The following ZNF804A variants were observed in gnomAD, a reference collection of about 807,000 sequenced individuals.
The protein encoded by ZNF804A is zinc finger protein 804A.
In ZNF804A, 2 loss-of-function variants were observed where a neutral mutation model predicts 16.5. That is an observed-to-expected ratio of 0.12 (90% CI 0.05 to 0.38). ZNF804A has a LOEUF of 0.38. Among genes scored for constraint, ZNF804A ranks in the 10% least tolerant of loss-of-function variants. The pLI is 0.99. For synonymous variants in ZNF804A, 534 were observed against 489.6 expected (o/e 1.09, Z -1.20); for missense variants, 1,473 against 1,390.7 (o/e 1.06, Z -0.94).
At chr2:184,839,367 C>A (rs183522812) in intron 1 of ZNF804A, among the ~76,000 whole-genome samples, 3 of 151,858 alleles carry the variant, frequency 2.0e-5, no homozygotes, top group African/African-American at 7.3e-5. Flanking sequence ...TTTGGGGATT[C>A]GTATGCAATT....
At chr2:184,742,723 G>A (rs996826671) in intron 1 of ZNF804A, among the ~76,000 whole-genome samples, 1 of 150,894 alleles carries the variant, frequency 6.6e-6, no homozygotes, top group East Asian at 1.9e-4. Flanking sequence ...ATAGAAAATA[G>A]ATAAATAAAT....
intron 1 of ZNF804A, among the ~76,000 whole-genome samples, chr2:184,840,442 C>A (rs563553293): frequency 5.3e-5 from 8 of 152,006 alleles, no homozygotes; most frequent in African/African-American, 1.7e-4. Context: ...TTATTCTCTG[C>A]AAAAATCAGT....
At chr2:184,711,442 C>T (rs746885114) in intron 1 of ZNF804A, among the ~76,000 whole-genome samples, 13 of 151,720 alleles carry the variant, frequency 8.6e-5, no homozygotes, top group Non-Finnish European at 1.8e-4. Flanking sequence ...AATATTTTCT[C>T]CCATACTGTA....
chr2:184,649,831 CAAA>C (rs57435962), intron 1 of ZNF804A, among the ~76,000 whole-genome samples: 4 of 130,606 alleles, frequency 3.1e-5, no homozygotes, highest in Non-Finnish European at 3.3e-5. Flanking sequence ...ACAAATCAAC[CAAA>C]AAAAAAAAAA....
chr2:184,842,535 A>G (rs1440274953), intron 1 of ZNF804A, among the ~76,000 whole-genome samples: 2 of 151,902 alleles, frequency 1.3e-5, no homozygotes, highest in Non-Finnish European at 2.9e-5. Context: ...AAAAAAAAGG[A>G]AATTTATGAT....
intron 1 of ZNF804A, among the ~76,000 whole-genome samples, chr2:184,630,152 T>A (rs1691582767): frequency 6.6e-6 from 1 of 152,180 alleles, no homozygotes; most frequent in South Asian, 2.1e-4. Context: ...TTCAGTGTAC[T>A]TCTGCTATAA....
At chr2:184,762,373 G>A (rs1032903466) in intron 1 of ZNF804A, among the ~76,000 whole-genome samples, 5 of 151,468 alleles carry the variant, frequency 3.3e-5, no homozygotes, top group South Asian at 2.1e-4. Flanking sequence ...TGAATATATC[G>A]CATAAGGTCA....
intron 1 of ZNF804A, among the ~76,000 whole-genome samples, chr2:184,719,873 C>A (rs938781303): frequency 2.0e-5 from 3 of 152,138 alleles, no homozygotes; most frequent in African/African-American, 7.2e-5. Flanking sequence ...TGCCTCTTAC[C>A]CAGTTGCAAA....
intron 2 of ZNF804A, among the ~76,000 whole-genome samples, chr2:184,921,035 T>G (rs1000963145): frequency 1.1e-4 from 16 of 152,188 alleles, no homozygotes; most frequent in Admixed American, 5.2e-4. Context: ...TATTTGAAAT[T>G]TTTGTATTTT....
chr2:184,762,413 G>A lies in ZNF804A; in HGVS notation c.112-103956G>A, dbSNP rs142419267. Among the ~76,000 whole-genome samples, 279 of 151,698 alleles carry A rather than the reference G, an allele frequency of 1.8e-3. 1 individual carries two copies. Among genetic ancestry groups the A allele is most frequent in the African/African-American group, 6.4e-3 (267 of 41,440 alleles). ...TGTTACAAAGAAAAATTTATCAAGT[G>A]TATACATATCTTTCAAGAAGAATTA... On this transcript the variant is annotated intron_variant, in intron 1 of 3. Coordinates refer to ENST00000302277, the MANE Select transcript of ZNF804A (RefSeq NM_194250.2).
At chr2:184,624,713 T>C (rs968728091) in intron 1 of ZNF804A, among the ~76,000 whole-genome samples, 3 of 152,194 alleles carry the variant, frequency 2.0e-5, no homozygotes, top group Non-Finnish European at 4.4e-5. Context: ...CTGATTAAAC[T>C]AAACACTTAT....
At chr2:184,824,119 T>C (rs1574229188) in intron 1 of ZNF804A, among the ~76,000 whole-genome samples, 1 of 152,118 alleles carries the variant, frequency 6.6e-6, no homozygotes, top group African/African-American at 2.4e-5. Flanking sequence ...TCTGTGGCTG[T>C]CCTCTTTAAA....
chr2:184,906,786 T>C (rs1685281550), intron 2 of ZNF804A, among the ~76,000 whole-genome samples: 1 of 152,170 alleles, frequency 6.6e-6, no homozygotes, highest in African/African-American at 2.4e-5. Flanking sequence ...CATTGTCCCA[T>C]TGGGGCTAAT....
At chr2:184,751,268 T>C (rs1693873507) in intron 1 of ZNF804A, among the ~76,000 whole-genome samples, 2 of 151,346 alleles carry the variant, frequency 1.3e-5, no homozygotes, top group African/African-American at 2.4e-5. Context: ...GAATGCACAA[T>C]GGGGAAAGAA....
intron 1 of ZNF804A, among the ~76,000 whole-genome samples, chr2:184,846,940 T>C (rs959099390): frequency 3.9e-5 from 6 of 152,118 alleles, no homozygotes; most frequent in Non-Finnish European, 8.8e-5. Flanking sequence ...CTATCCTTCT[T>C]GTACATGAAC....
chr2:184,734,056 C>T (rs935835771), intron 1 of ZNF804A, among the ~76,000 whole-genome samples: 18 of 151,556 alleles, frequency 1.2e-4, no homozygotes, highest in Admixed American at 1.3e-4. Flanking sequence ...TAATTTGTTC[C>T]TCTTTTTCTA....
At chr2:184,858,972 A>G (rs1695748460) in intron 1 of ZNF804A, among the ~76,000 whole-genome samples, 2 of 152,190 alleles carry the variant, frequency 1.3e-5, no homozygotes. Flanking sequence ...CACCTAAGTA[A>G]TTCATCCCAC....
At chr2:184,823,220 A>G (rs972796879) in intron 1 of ZNF804A, among the ~76,000 whole-genome samples, 1 of 152,038 alleles carries the variant, frequency 6.6e-6, no homozygotes, top group Admixed American at 6.6e-5. Context: ...AAAGGGAGGG[A>G]AAGGCAGAAA....
At chr2:184,694,576 C>A (rs537574644) in intron 1 of ZNF804A, among the ~76,000 whole-genome samples, 31 of 152,094 alleles carry the variant, frequency 2.0e-4, no homozygotes, top group Admixed American at 3.3e-4. Flanking sequence ...ATATAATTGG[C>A]ATTATCTAAG....
Sources: allele counts gnomAD v4.1 joint callset (sites outside exome capture counted in the v4.1 genomes callset), GRCh38; gene constraint gnomAD v4.1.1; transcripts MANE v1.5; gene names NCBI Gene and HGNC (gene_info 2026-07-23, HGNC 2026-07-21).